MBP: variants seen among roughly 807,000 people sequenced by gnomAD.
The protein encoded by MBP is Golli-MBP.
MBP carries 16 observed loss-of-function variants against 35.8 expected under a neutral mutation model. The ratio of observed to expected loss-of-function variants is 0.45; its 90% CI spans 0.30 to 0.68. The LOEUF (loss-of-function observed/expected upper bound fraction) is 0.68. MBP is among the 30% of genes least tolerant of loss of function. The pLI is 0.08. For missense variants in MBP, 380 were observed against 404.7 expected, an observed-to-expected ratio of 0.94 and a Z score of 0.52; for synonymous variants, 143 against 159.6, an observed-to-expected ratio of 0.90 and a Z score of 0.78.
intron 3 of MBP, among the ~76,000 whole-genome samples, chr18:77,060,556 G>A (rs1973939334): frequency 6.7e-6 from 1 of 148,498 alleles, no homozygotes; most frequent in African/African-American, 2.5e-5. Context: ...TGGGTTCAAG[G>A]AATTCTGCCT....
At chr18:77,016,005 C>A in intron 4 of MBP, 3 of 985,396 alleles carry the variant, frequency 3.0e-6, no homozygotes, top group Non-Finnish European at 3.6e-6. Flanking sequence ...ATTACACAAC[C>A]ACCAAACACT....
chr18:77,027,407 C>G (rs763123658), intron 3 of MBP, among the ~76,000 whole-genome samples: 8 of 152,228 alleles, frequency 5.3e-5, no homozygotes, highest in Non-Finnish European at 1.0e-4. Flanking sequence ...TGAGGCCCAC[C>G]GAGCAGAGGC....
At chr18:77,107,812 C>T (rs1289475368) in intron 1 of MBP, among the ~76,000 whole-genome samples, 2 of 152,318 alleles carry the variant, frequency 1.3e-5, no homozygotes, top group African/African-American at 4.8e-5. Flanking sequence ...TTGAATACAT[C>T]TTGTTGGATT....
chr18:76,989,871 C>A lies in MBP; in HGVS notation c.681+85G>T, dbSNP rs1330251545. On this transcript the variant is annotated intron_variant, in intron 5 of 8. Transcript: ENST00000355994. This position sits in a 1 kb window ranked among gnomAD's most constrained non-coding sequence, Gnocchi z 4.0. ...GACCCCGGTGCCACCCCCGAGCGTA[C>A]GAACGTCCTGTGTGGATGACAGCAG... 3.2e-6 allele frequency: 4 copies of A among 1,231,558 alleles called. No individual in the cohort carries two copies. The highest frequency in any genetic ancestry group is 3.0e-5 in the African/African-American group (2 of 67,054). The allele number at this position is 1,231,558 out of a possible 1,614,324, so 76.3% of individuals were successfully genotyped here.
chr18:76,989,859 C>T lies in MBP; in HGVS notation c.681+97G>A. ...CACCCTGATGATGACCCCGGTGCCACCCCCGAGCGTACGAACGTCCTGTGT... is the reference window on the plus strand; with the variant it reads ...CACCCTGATGATGACCCCGGTGCCATCCCCGAGCGTACGAACGTCCTGTGT... On this transcript the variant is annotated intron_variant, in intron 5 of 8. Transcript: ENST00000355994. This position sits in a 1 kb window ranked among gnomAD's most constrained non-coding sequence, Gnocchi z 4.0. 2 of 1,069,866 alleles carry T rather than the reference C, an allele frequency of 1.9e-6. No homozygotes were observed. The highest frequency in any genetic ancestry group is 2.8e-6 in the Non-Finnish European group (2 of 702,774). The allele number at this position is 1,069,866 out of a possible 1,614,324, so 66.3% of individuals were successfully genotyped here.
At chr18:77,032,145 G>A (rs1972564832) in intron 3 of MBP, among the ~76,000 whole-genome samples, 1 of 152,224 alleles carries the variant, frequency 6.6e-6, no homozygotes, top group Non-Finnish European at 1.5e-5. Flanking sequence ...GCCGAGCCCT[G>A]CAGAGACCAT....
At position 76,987,977 on chromosome 18, in the gene MBP, A is replaced by G. The variant is rs1272893843; in HGVS notation, c.750+518T>C. ...TCTATGTTTTAATTATTATTTAAACACATACAAAACAAAAATCTTTGGATT... is the reference window on the plus strand; with the variant it reads ...TCTATGTTTTAATTATTATTTAAACGCATACAAAACAAAAATCTTTGGATT... On this transcript the variant is annotated intron_variant, in intron 7 of 8. Coordinates refer to ENST00000355994, the MANE Select transcript of MBP (RefSeq NM_001025101.2). 3 of 1,238,364 alleles carry G rather than the reference A, an allele frequency of 2.4e-6. No homozygotes were observed. In the African/African-American group the frequency reaches 4.6e-5, roughly 19 times the overall value. 76.7% of individuals were successfully genotyped at this position (1,238,364 alleles called of 1,614,324 possible). A position where few individuals can be genotyped will look rare whatever the true frequency, so the allele number is the denominator to read the frequency against.
chr18:77,040,813 A>G (rs994261595), intron 3 of MBP, among the ~76,000 whole-genome samples: 8 of 152,272 alleles, frequency 5.3e-5, no homozygotes, highest in Admixed American at 1.3e-4. Flanking sequence ...TGTTAGACCT[A>G]AAACCATAAA....
intron 2 of MBP, among the ~76,000 whole-genome samples, chr18:77,100,657 T>TCTTTCCACCTCAG (rs1273386041): frequency 1.3e-5 from 2 of 152,004 alleles, no homozygotes; most frequent in African/African-American, 4.8e-5. Flanking sequence ...GCTCAGGTGA[T>TCTTTCCACCTCAG]CTTTCCACCT....
intron 3 of MBP, among the ~76,000 whole-genome samples, chr18:77,053,750 C>T (rs11877231): frequency 0.041 from 6,282 of 152,266 alleles, 177 homozygotes; most frequent in Non-Finnish European, 0.05. Flanking sequence ...GCAGCAGGGA[C>T]GAGGGGTGTC....
chr18:77,032,091 C>T (rs73484998), intron 3 of MBP, among the ~76,000 whole-genome samples: 2,150 of 152,284 alleles, frequency 0.014, 50 homozygotes, highest in African/African-American at 0.048. Flanking sequence ...GAGAAGGCGC[C>T]GGGGGCACGC....
intron 1 of MBP, 109 bp from the exon 2 acceptor site, chr18:77,105,395 GA>G (rs1976234706): frequency 1.6e-5 from 10 of 641,164 alleles, no homozygotes; most frequent in African/African-American, 1.3e-4. Context: ...GCCCATTTTT[GA>G]GAAGACGAAA....
intron 2 of MBP, chr18:77,095,474 A>G (rs1364791535): frequency 6.6e-6 from 1 of 152,262 alleles, no homozygotes; most frequent in African/African-American, 2.4e-5. Context: ...ATGGCATGAC[A>G]GCCGTGTCAC....
intron 1 of MBP, among the ~76,000 whole-genome samples, chr18:77,129,744 T>A (rs555373428): frequency 7.9e-5 from 12 of 152,176 alleles, no homozygotes; most frequent in Admixed American, 4.6e-4. Context: ...CAAGAGTAAT[T>A]AGAGGCCAGG....
chr18:77,057,116 A>G (rs1260859070), intron 3 of MBP, among the ~76,000 whole-genome samples: 1 of 152,116 alleles, frequency 6.6e-6, no homozygotes, highest in Non-Finnish European at 1.5e-5. Context: ...GTTTTTAATG[A>G]TATAAAGTAT....
chr18:77,105,393 T>A, intron 1 of MBP, 107 bp from the exon 2 acceptor site: 2 of 651,456 alleles, frequency 3.1e-6, no homozygotes, highest in Non-Finnish European at 5.6e-6. Context: ...ATGCCCATTT[T>A]TGAGAAGACG....
chr18:77,048,756 G>A (rs1871825522), intron 3 of MBP, among the ~76,000 whole-genome samples: 1 of 151,976 alleles, frequency 6.6e-6, no homozygotes, highest in African/African-American at 2.4e-5. Flanking sequence ...GAGCCACCAT[G>A]CCCAGCCAAT....
intron 3 of MBP, among the ~76,000 whole-genome samples, chr18:77,018,887 TCCATC>T: frequency 6.7e-6 from 1 of 148,302 alleles, no homozygotes; most frequent in African/African-American, 2.5e-5. Context: ...CATCCATCCA[TCCATC>T]CATCCATCCA....
intron 3 of MBP, among the ~76,000 whole-genome samples, chr18:77,037,482 T>C (rs986771403): frequency 1.3e-5 from 2 of 152,202 alleles, no homozygotes; most frequent in Non-Finnish European, 2.9e-5. Context: ...GGGCTGTTTT[T>C]AGGGCATTCT....
Sources: allele counts gnomAD v4.1 joint callset (sites outside exome capture counted in the v4.1 genomes callset), GRCh38; gene constraint gnomAD v4.1.1; non-coding constraint Gnocchi (gnomAD v3.1); transcripts MANE v1.5; gene names NCBI Gene and HGNC (gene_info 2026-07-23, HGNC 2026-07-21).